SLC24A3: variants seen among roughly 807,000 people sequenced by gnomAD.
SLC24A3 encodes solute carrier family 24 member 3, also known as sodium/potassium/calcium exchanger 3.
In SLC24A3, 28 loss-of-function variants were observed where a neutral mutation model predicts 75.8. The observed-to-expected ratio is 0.37, with a 90% CI of 0.27 to 0.51. The LOEUF (loss-of-function observed/expected upper bound fraction) is 0.51, where lower values mean the gene tolerates loss of function less well. Ranked by LOEUF, SLC24A3 falls within the 20% of genes least tolerant of loss-of-function variation. The probability of loss-of-function intolerance (pLI) is 0.94; values close to 1 mark genes in which losing one functional copy is unlikely to be tolerated. For missense variants in SLC24A3, 663 were observed against 847.8 expected, an observed-to-expected ratio of 0.78 and a Z score of 2.71; for synonymous variants, 372 against 334.1, an observed-to-expected ratio of 1.11 and a Z score of -1.24.
chr20:19,580,860 T>G (rs561811564), intron 4 of SLC24A3, among the ~76,000 whole-genome samples: 2 of 152,236 alleles, frequency 1.3e-5, no homozygotes, highest in Non-Finnish European at 2.9e-5. Context: ...TTTATGCCAG[T>G]AGTTCTCAAA....
intron 2 of SLC24A3, among the ~76,000 whole-genome samples, chr20:19,401,315 C>T (rs929367237): frequency 6.6e-6 from 1 of 152,176 alleles, no homozygotes; most frequent in Non-Finnish European, 1.5e-5. Context: ...AGAGTAAGAA[C>T]AGCTCATGCA....
At chr20:19,289,045 G>T (rs1379387546) in intron 2 of SLC24A3, among the ~76,000 whole-genome samples, 1 of 152,086 alleles carries the variant, frequency 6.6e-6, no homozygotes, top group Non-Finnish European at 1.5e-5. Flanking sequence ...CTCTGCAGGG[G>T]AGGTTGAGGC....
At chr20:19,387,945 A>T (rs1452030164) in intron 2 of SLC24A3, among the ~76,000 whole-genome samples, 2 of 151,872 alleles carry the variant, frequency 1.3e-5, no homozygotes, top group African/African-American at 4.8e-5. Context: ...ATTGTTTTTA[A>T]TTTTTTTAAT....
chr20:19,213,143 CT>C, intron 1 of SLC24A3, 159 bp downstream of exon 1: 2 of 799,468 alleles, frequency 2.5e-6, no homozygotes, highest in Non-Finnish European at 3.3e-6. Flanking sequence ...AGGACTCCCC[CT>C]GCCCCACGCA....
chr20:19,697,176 G>C (rs1284617097), intron 14 of SLC24A3, among the ~76,000 whole-genome samples: 1 of 152,082 alleles, frequency 6.6e-6, no homozygotes, highest in Non-Finnish European at 1.5e-5. Flanking sequence ...TGGTTGAAAG[G>C]TTTCCTGGGC....
intron 2 of SLC24A3, among the ~76,000 whole-genome samples, chr20:19,337,809 C>G (rs1286961211): frequency 1.3e-5 from 2 of 152,174 alleles, no homozygotes; most frequent in Admixed American, 1.3e-4. Context: ...TGGTGGTCAG[C>G]TTGGGGCTGG....
In SLC24A3 at chr20:19,445,169, C is replaced by T. The variant is rs1042780271; in HGVS notation, c.272-70319C>T. Among the ~76,000 whole-genome samples the T allele has an allele frequency of 8.5e-5, 13 of 152,266 alleles. No individual in the cohort carries two copies. The South Asian group carries it at 2.7e-3, about 32-fold the overall frequency. ...GCGTTACACATAATATGGATCTTGG[C>T]TTCCACCATCATTAGTCTGCATCAT... On this transcript the variant is annotated intron_variant, in intron 2 of 16. Transcript: ENST00000328041.
intron 6 of SLC24A3, among the ~76,000 whole-genome samples, chr20:19,620,323 T>C (rs2031787172): frequency 6.6e-6 from 1 of 152,186 alleles, no homozygotes; most frequent in African/African-American, 2.4e-5. Flanking sequence ...TGTCAATCTT[T>C]TTTGGGGGGG....
At chr20:19,344,575 G>A (rs1985345570) in intron 2 of SLC24A3, among the ~76,000 whole-genome samples, 1 of 152,208 alleles carries the variant, frequency 6.6e-6, no homozygotes, top group African/African-American at 2.4e-5. Flanking sequence ...TGTGGACAAT[G>A]GGGATTCAAC....
chr20:19,247,381 G>A (rs1982525989), intron 1 of SLC24A3, among the ~76,000 whole-genome samples: 1 of 152,128 alleles, frequency 6.6e-6, no homozygotes, highest in African/African-American at 2.4e-5. Context: ...AAATTATGAA[G>A]AAAAAAATTT....
intron 2 of SLC24A3, among the ~76,000 whole-genome samples, chr20:19,374,086 G>A (rs932987847): frequency 3.3e-5 from 5 of 152,126 alleles, no homozygotes; most frequent in South Asian, 4.1e-4. Flanking sequence ...CTTGAGATCC[G>A]GTAAAGAAAG....
chr20:19,448,076 G>C (rs1213323173), intron 2 of SLC24A3, among the ~76,000 whole-genome samples: 1 of 152,208 alleles, frequency 6.6e-6, no homozygotes, highest in Non-Finnish European at 1.5e-5. Flanking sequence ...GCTGGTTCTA[G>C]GTTCTGGGGG....
At chr20:19,486,341 G>A (rs1036835932) in intron 2 of SLC24A3, among the ~76,000 whole-genome samples, 1 of 152,180 alleles carries the variant, frequency 6.6e-6, no homozygotes, top group African/African-American at 2.4e-5. Flanking sequence ...ATGGAACTGT[G>A]GTGTGTCTTG....
intron 2 of SLC24A3, among the ~76,000 whole-genome samples, chr20:19,299,473 A>G (rs1984145679): frequency 6.6e-6 from 1 of 152,120 alleles, no homozygotes; most frequent in South Asian, 2.1e-4. Context: ...GTGAAGCTCA[A>G]AACAGGTCAA....
intron 13 of SLC24A3, chr20:19,694,542 A>C (rs1275304127): frequency 6.6e-6 from 1 of 152,164 alleles, no homozygotes; most frequent in Non-Finnish European, 1.5e-5. Flanking sequence ...TTTCTCCCTC[A>C]TCCTGCATTC....
chr20:19,635,529 A>AT (rs1308073682), intron 6 of SLC24A3, among the ~76,000 whole-genome samples: 10 of 152,222 alleles, frequency 6.6e-5, no homozygotes, highest in African/African-American at 2.4e-4. Context: ...CCACCACATA[A>AT]TTCTTCTCAG....
At chr20:19,628,857 G>A (rs1488053194) in intron 6 of SLC24A3, among the ~76,000 whole-genome samples, 1 of 152,144 alleles carries the variant, frequency 6.6e-6, no homozygotes, top group Non-Finnish European at 1.5e-5. Context: ...CTCTAGTGGG[G>A]CTAATTGGAG....
chr20:19,682,032 C>A, intron 10 of SLC24A3, 41 bp downstream of exon 10: 1 of 1,603,306 alleles, frequency 6.2e-7, no homozygotes, highest in South Asian at 1.1e-5. Context: ...GCAGGAGGAT[C>A]AATTGAGGCC....
intron 6 of SLC24A3, among the ~76,000 whole-genome samples, chr20:19,613,975 T>A (rs1418276427): frequency 6.6e-6 from 1 of 152,242 alleles, no homozygotes; most frequent in African/African-American, 2.4e-5. Flanking sequence ...TGGCGCAGAC[T>A]GTTGACATCC....
Sources: gnomAD v4.1 joint callset for allele counts (sites outside exome capture counted in the v4.1 genomes callset) on GRCh38, gnomAD v4.1.1 for gene constraint, MANE v1.5 for transcripts, NCBI Gene and HGNC (gene_info 2026-07-23, HGNC 2026-07-21) for gene names.